The following THRB variants were observed in gnomAD, a reference collection of about 807,000 sequenced individuals.
THRB encodes the protein thyroid hormone receptor beta.
A neutral mutation model predicts 47.8 loss-of-function variants in THRB; 12 were observed. The ratio of observed to expected loss-of-function variants is 0.25; its 90% CI spans 0.16 to 0.41. THRB has a LOEUF of 0.41. Ranked by LOEUF, THRB falls within the 10% of genes least tolerant of loss-of-function variation. The probability of loss-of-function intolerance (pLI) is 1.00; values close to 1 mark genes in which losing one functional copy is unlikely to be tolerated. For synonymous variants in THRB, 218 were observed against 212.2 expected (o/e 1.03, Z -0.24); for missense variants, 348 against 589.2 (o/e 0.59, Z 4.24).
intron 2 of THRB, among the ~76,000 whole-genome samples, chr3:24,330,374 T>C (rs571968620): frequency 1.3e-5 from 2 of 152,346 alleles, no homozygotes; most frequent in Non-Finnish European, 2.9e-5. Context: ...AAGGAAGTCA[T>C]TTACTTAATT....
At chr3:24,360,341 G>T (rs989489020) in intron 1 of THRB, among the ~76,000 whole-genome samples, 3 of 152,134 alleles carry the variant, frequency 2.0e-5, no homozygotes, top group South Asian at 2.1e-4. Context: ...GTCCAGATGT[G>T]TTCAGTAGAC....
At chr3:24,168,142 CTT>C (rs1220739126) in intron 5 of THRB, among the ~76,000 whole-genome samples, 1 of 152,260 alleles carries the variant, frequency 6.6e-6, no homozygotes, top group South Asian at 2.1e-4. Context: ...TGGGAATACT[CTT>C]TACTTGTAAC....
intron 1 of THRB, among the ~76,000 whole-genome samples, chr3:24,369,540 C>T (rs1169599780): frequency 2.0e-5 from 3 of 152,050 alleles, no homozygotes; most frequent in Admixed American, 6.6e-5. Flanking sequence ...AATTGTAAGA[C>T]GGCATACGAT....
intron 1 of THRB, among the ~76,000 whole-genome samples, chr3:24,387,629 A>G (rs2149924730): frequency 6.6e-6 from 1 of 152,266 alleles, no homozygotes; most frequent in East Asian, 1.9e-4. Flanking sequence ...GGTGCCTGGC[A>G]TGCAGTAGGC....
intron 5 of THRB, among the ~76,000 whole-genome samples, chr3:24,173,120 G>T (rs151055589): frequency 1.5e-3 from 230 of 152,242 alleles, no homozygotes; most frequent in African/African-American, 5.4e-3. Context: ...GCCCACCCCA[G>T]ACCAACTGGA....
At chr3:24,356,560 T>C (rs1445816372) in intron 1 of THRB, among the ~76,000 whole-genome samples, 2 of 152,162 alleles carry the variant, frequency 1.3e-5, no homozygotes, top group South Asian at 2.1e-4. Flanking sequence ...TATGATCCCA[T>C]TCTATTCCTG....
rs34740399 is a variant in THRB, at chr3:24,188,858, AATATATAT to A, written c.283+1208_283+1215del. ...CCTTTCAATTTCTCAGATCTCCTCAAATATATATATATATATATATATATATGAGAGAA... is the reference window on the plus strand; with the variant it reads ...CCTTTCAATTTCTCAGATCTCCTCAAATATATATATATATATATGAGAGAA... On this transcript the variant is annotated intron_variant, in intron 5 of 10. Coordinates refer to ENST00000646209, the MANE Select transcript of THRB (RefSeq NM_001354712.2). 3.2e-4 allele frequency among the ~76,000 whole-genome samples: 30 copies of A among 94,306 alleles called. 5 individuals carry two copies. Among genetic ancestry groups the A allele is most frequent in the South Asian group, 1.4e-3 (4 of 2,932 alleles). The allele number at this position is 94,306 out of a possible 152,430, so 61.9% of individuals were successfully genotyped here.
At chr3:24,456,322 G>T (rs945952191) in intron 1 of THRB, among the ~76,000 whole-genome samples, 9 of 150,536 alleles carry the variant, frequency 6.0e-5, no homozygotes, top group African/African-American at 2.0e-4. Context: ...ATGACAGTGT[G>T]AGACCCTGTC....
At position 24,464,640 on chromosome 3, in the gene THRB, CTCATT is replaced by C. The variant is rs574187557; in HGVS notation, c.-261+30007_-261+30011del. Among the ~76,000 whole-genome samples, 168 of 152,164 alleles carry C rather than the reference CTCATT, an allele frequency of 1.1e-3. 1 individual carries two copies. The highest frequency in any genetic ancestry group is 3.9e-3 in the African/African-American group (163 of 41,516). ...TAATGTGATTAAATATATATTTGGA[CTCATT>C]TCAGTTGTCTTATTTGTTGTTATTG... On this transcript the variant is annotated intron_variant, in intron 1 of 10. Transcript: ENST00000646209.
At chr3:24,229,833 T>C (rs1279147286) in intron 3 of THRB, among the ~76,000 whole-genome samples, 3 of 152,212 alleles carry the variant, frequency 2.0e-5, no homozygotes, top group Non-Finnish European at 4.4e-5. Context: ...TGGTAGCATT[T>C]TGGCTTAGGA....
intron 1 of THRB, among the ~76,000 whole-genome samples, chr3:24,382,941 C>T (rs1385090641): frequency 6.6e-6 from 1 of 152,070 alleles, no homozygotes; most frequent in Non-Finnish European, 1.5e-5. Context: ...AGCTATGGTC[C>T]TGCTGGCACA....
intron 3 of THRB, among the ~76,000 whole-genome samples, chr3:24,288,564 A>T (rs994372548): frequency 6.6e-6 from 1 of 152,018 alleles, no homozygotes; most frequent in Non-Finnish European, 1.5e-5. Flanking sequence ...CTATTAAAAA[A>T]TTTTTCTGAA....
chr3:24,308,854 C>G (rs1559890857), intron 2 of THRB, among the ~76,000 whole-genome samples: 2 of 152,012 alleles, frequency 1.3e-5, no homozygotes, highest in African/African-American at 2.4e-5. Flanking sequence ...TGCATGTTCC[C>G]CTTTTGTTTT....
intron 3 of THRB, among the ~76,000 whole-genome samples, chr3:24,280,323 A>G (rs931416970): frequency 6.6e-6 from 1 of 152,158 alleles, no homozygotes; most frequent in Non-Finnish European, 1.5e-5. Context: ...CCCAGCAGGG[A>G]CAGACTGACA....
At chr3:24,163,208 C>G (rs184504773) in intron 5 of THRB, among the ~76,000 whole-genome samples, 1 of 152,100 alleles carries the variant, frequency 6.6e-6, no homozygotes, top group Non-Finnish European at 1.5e-5. Flanking sequence ...GGGATTTACT[C>G]GAAGACTTGT....
chr3:24,462,252 T>G (rs1237618348), intron 1 of THRB, among the ~76,000 whole-genome samples: 3 of 152,252 alleles, frequency 2.0e-5, no homozygotes, highest in Non-Finnish European at 4.4e-5. Flanking sequence ...ACAGGCACCT[T>G]TAAGGGATAG....
chr3:24,474,510 G>T (rs1480733796), intron 1 of THRB, among the ~76,000 whole-genome samples: 2 of 152,156 alleles, frequency 1.3e-5, no homozygotes, highest in African/African-American at 4.8e-5. Context: ...AAAATCTACT[G>T]GAGTTGGCAT....
At chr3:24,210,080 C>T (rs1451991535) in intron 4 of THRB, among the ~76,000 whole-genome samples, 1 of 152,146 alleles carries the variant, frequency 6.6e-6, no homozygotes, top group Non-Finnish European at 1.5e-5. Flanking sequence ...TGTATATTTT[C>T]ATTGTTATAT....
intron 3 of THRB, among the ~76,000 whole-genome samples, chr3:24,293,141 CCAT>C (rs2056111473): frequency 1.3e-5 from 2 of 152,164 alleles, no homozygotes; most frequent in African/African-American, 4.8e-5. Context: ...AAGTTCCTGG[CCAT>C]CATCATTTTG....
Sources: allele counts gnomAD v4.1 joint callset (sites outside exome capture counted in the v4.1 genomes callset), GRCh38; gene constraint gnomAD v4.1.1; transcripts MANE v1.5; gene names NCBI Gene and HGNC (gene_info 2026-07-23, HGNC 2026-07-21).